MEGF10: variants seen among roughly 807,000 people sequenced by gnomAD.
The protein encoded by MEGF10 is multiple EGF like domains 10.
MEGF10 carries 86 observed loss-of-function variants against 147.5 expected under a neutral mutation model. That is an observed-to-expected ratio of 0.58 (90% CI 0.49 to 0.70). The LOEUF (loss-of-function observed/expected upper bound fraction) is 0.70. Ranked by LOEUF, MEGF10 falls within the 30% of genes least tolerant of loss-of-function variation. MEGF10 has a pLI of 0.00. For synonymous variants in MEGF10, 478 were observed against 525.5 expected, an observed-to-expected ratio of 0.91 and a Z score of 1.24; for missense variants, 1,329 against 1,487.3, an observed-to-expected ratio of 0.89 and a Z score of 1.75.
In MEGF10 at chr5:127,457,445, C is replaced by A. The variant is rs527867635; in HGVS notation, c.*127C>A. 3.1e-5 allele frequency: 33 copies of A among 1,048,906 alleles called. No homozygotes were observed. The African/African-American group carries it at 5.1e-4, about 16-fold the overall frequency. The allele number at this position is 1,048,906 out of a possible 1,614,324, so 65.0% of individuals were successfully genotyped here. A position where few individuals can be genotyped will look rare whatever the true frequency, so the allele number is the denominator to read the frequency against. On this transcript the variant is annotated 3_prime_UTR_variant, in exon 25 of 25. Transcript: ENST00000503335. ...TCGGTGGGCAATTTTTGGACATGAA[C>A]CAGAAAGCTGAAAGCTGAGGCTGAC...
At chr5:127,440,299 G>A (rs1765708756) in intron 17 of MEGF10, among the ~76,000 whole-genome samples, 1 of 152,184 alleles carries the variant, frequency 6.6e-6, no homozygotes, top group Non-Finnish European at 1.5e-5. Flanking sequence ...AAGGCTAGTA[G>A]CAACAATAGA....
chr5:127,277,830 TA>T, the MEGF10 span, among the ~76,000 whole-genome samples: 2 of 152,122 alleles, frequency 1.3e-5, no homozygotes, highest in Non-Finnish European at 2.9e-5. Context: ...GTTTTTGATA[TA>T]AGCAAATGAA....
chr5:127,359,163 T>C (rs1032235738), intron 4 of MEGF10, among the ~76,000 whole-genome samples: 6 of 152,116 alleles, frequency 3.9e-5, no homozygotes, highest in Non-Finnish European at 4.4e-5. Flanking sequence ...TAAATATTTA[T>C]TGGGAGGGTC....
the MEGF10 span, among the ~76,000 whole-genome samples, chr5:127,244,211 A>AAAC: frequency 6.6e-6 from 1 of 151,274 alleles, no homozygotes; most frequent in African/African-American, 2.4e-5. Flanking sequence ...AAAAAAAAAA[A>AAAC]AAAAAATTCT....
chr5:127,359,137 T>A (rs1224546645), intron 4 of MEGF10, among the ~76,000 whole-genome samples: 1 of 152,000 alleles, frequency 6.6e-6, no homozygotes, highest in Non-Finnish European at 1.5e-5. Context: ...TTTTTTAGTA[T>A]TAGCAGTTCC....
rs1766475845 is a variant in MEGF10, at chr5:127,459,209, T to A, written c.*1891T>A. 6.6e-6 allele frequency: 1 copy of A among 152,192 alleles called. No individual in the cohort carries two copies. The highest frequency in any genetic ancestry group is 2.1e-4 in the South Asian group (1 of 4,828). The allele number at this position is 152,192 out of a possible 1,614,324, so 9.4% of individuals were successfully genotyped here. On this transcript the variant is annotated 3_prime_UTR_variant, in exon 25 of 25. Coordinates refer to ENST00000503335, the MANE Select transcript of MEGF10 (RefSeq NM_001256545.2). The stretch of plus-strand genomic sequence containing the variant: ...CGAGTTGGAATATCCAGTTATTTCA[T>A]GTCACACATCGGCACGTATGATGGT...
At chr5:127,277,217 G>C in the MEGF10 span, among the ~76,000 whole-genome samples, 1 of 152,198 alleles carries the variant, frequency 6.6e-6, no homozygotes, top group South Asian at 2.1e-4. Context: ...ATGGCTCCTA[G>C]CTCAGTTCCT....
chr5:127,420,223 C>T lies in MEGF10; in HGVS notation c.1590+16C>T, dbSNP rs371033044. 2.8e-5 allele frequency: 45 copies of T among 1,609,918 alleles called. No homozygotes were observed. In the African/African-American group the frequency reaches 3.6e-4, roughly 13 times the overall value. On this transcript the variant is annotated intron_variant, in intron 12 of 24. Transcript: ENST00000503335. Reference sequence around the variant, plus strand: ...TCCCTGCCAGGTATGCACAAATCAGCGCCCTGACGGAAAACGCCTATGAGG... The same window carrying T: ...TCCCTGCCAGGTATGCACAAATCAGTGCCCTGACGGAAAACGCCTATGAGG...
intron 9 of MEGF10, among the ~76,000 whole-genome samples, chr5:127,414,268 G>A (rs1443674583): frequency 6.6e-6 from 1 of 151,948 alleles, no homozygotes; most frequent in African/African-American, 2.4e-5. Context: ...AGCAAACCTG[G>A]GTTCAAGTTT....
Position 127,396,764 on chromosome 5 carries a change from A to T in MEGF10, c.645A>T (p.Gly215=). The T allele has an allele frequency of 1.2e-6, 2 of 1,613,752 alleles. No individual in the cohort carries two copies. Among genetic ancestry groups the T allele is most frequent in the Non-Finnish European group, 1.7e-6 (2 of 1,179,864 alleles). Residue 215 remains glycine (G), a synonymous_variant, in exon 6 of 25, where the codon GGA becomes GGT. Transcript: ENST00000503335. ...HVTGECRCPP[G]YTGAFCEDLC... is the part of the protein sequence containing the mutation. ...CGGGGGAATGCCGCTGCCCACCAGG[A>T]TACACCGGAGCCTTGTAAGTCACAT...
intron 1 of MEGF10, among the ~76,000 whole-genome samples, chr5:127,327,128 A>G (rs17762857): frequency 0.029 from 4,386 of 152,266 alleles, 109 homozygotes; most frequent in East Asian, 0.11. Flanking sequence ...CAAAACACAG[A>G]CAGCAAGGGT....
chr5:127,410,633 C>A, intron 9 of MEGF10, 32 bp downstream of exon 9: 2 of 1,544,222 alleles, frequency 1.3e-6, no homozygotes, highest in South Asian at 2.3e-5. Flanking sequence ...AAGGACGTGT[C>A]CTGTGAAAGT....
intron 5 of MEGF10, among the ~76,000 whole-genome samples, chr5:127,392,451 T>C (rs1430514494): frequency 6.6e-6 from 1 of 152,210 alleles, no homozygotes; most frequent in Non-Finnish European, 1.5e-5. Context: ...CAACACTGGT[T>C]GGTTAAGTAC....
In MEGF10 at chr5:127,422,788, C is replaced by T. The variant is rs558900276; in HGVS notation, c.1693+16C>T. The T allele has an allele frequency of 4.4e-6, 7 of 1,603,250 alleles. No homozygotes were observed. Among genetic ancestry groups the T allele is most frequent in the East Asian group, 2.2e-5 (1 of 44,662 alleles). ...GGATGGTCAGGTGAGAGCCAAGGAC[C>T]GCTAATTGAAAGGTGAAACCCGCCA... On this transcript the variant is annotated intron_variant, in intron 13 of 24. Transcript: ENST00000503335.
chr5:127,398,688 T>C lies in MEGF10; in HGVS notation c.672T>C (p.Leu224=). The C allele has an allele frequency of 6.2e-7, 1 of 1,614,132 alleles. No homozygotes were observed. The part of the protein sequence containing the change: ...PGYTGAFCED[L]CPPGKHGPQC... Reference sequence around the variant, plus strand: ...GTTAATCCCTCAGCTGTGAGGATCTTTGTCCTCCTGGTAAACATGGTCCAC... The same window carrying C: ...GTTAATCCCTCAGCTGTGAGGATCTCTGTCCTCCTGGTAAACATGGTCCAC... Residue 224 remains leucine, a synonymous_variant, in exon 7 of 25, where the codon CTT becomes CTC. Transcript: ENST00000503335.
rs749879382 is a variant in MEGF10, at chr5:127,435,412, C to T, written c.2027C>T (p.Thr676Ile). The T allele has an allele frequency of 3.1e-6, 5 of 1,614,092 alleles. No individual in the cohort carries two copies. The highest frequency in any genetic ancestry group is 4.2e-6 in the Non-Finnish European group (5 of 1,179,988). The change falls in exon 16 of 25, where the codon ACC becomes ATC. Residue 676 changes from threonine (T) to isoleucine (I), a missense_variant. By Grantham distance (89) the Thr-to-Ile change is moderately conservative (BLOSUM62 -1). This residue lies in a region of MEGF10 where 980 missense variants were observed against 1,085.9 expected (regional missense o/e 0.90). Coordinates refer to ENST00000503335, the MANE Select transcript of MEGF10 (RefSeq NM_001256545.2). ...AACTGTGCAGGAATTTGTACCTGCA[C>T]CAACAACGGAACCTGTAACCCCATT... ...GKNCAGICTC[T>I]NNGTCNPIDR...
chr5:127,424,546 C>G, intron 13 of MEGF10: 2 of 1,400,586 alleles, frequency 1.4e-6, no homozygotes, highest in Middle Eastern at 2.6e-4. Context: ...CTCTCAGCCC[C>G]TTGGAAAATG....
chr5:127,441,232 T>C (rs536629000), intron 18 of MEGF10, among the ~76,000 whole-genome samples: 40 of 152,336 alleles, frequency 2.6e-4, no homozygotes, highest in South Asian at 8.3e-4. Flanking sequence ...GGGTCTCACA[T>C]TGGAGGACAG....
rs1415962461 is a variant in MEGF10 at position 127,459,118 on chromosome 5, T to C, written c.*1800T>C. On this transcript the variant is annotated 3_prime_UTR_variant, in exon 25 of 25. Transcript: ENST00000503335. Reference sequence around the variant, plus strand: ...ATGGCATTCTGTCTCAGTGAGTCAGTTAACAAATACGTATGTGCAACCCTT... The same window carrying C: ...ATGGCATTCTGTCTCAGTGAGTCAGCTAACAAATACGTATGTGCAACCCTT... The C allele has an allele frequency of 6.6e-6, 1 of 152,180 alleles. No homozygotes were observed. The highest frequency in any genetic ancestry group is 1.5e-5 in the Non-Finnish European group (1 of 68,036). The allele number at this position is 152,180 out of a possible 1,614,324, so 9.4% of individuals were successfully genotyped here. A position where few individuals can be genotyped will look rare whatever the true frequency, so the allele number is the denominator to read the frequency against.
Sources: allele counts gnomAD v4.1 joint callset (sites outside exome capture counted in the v4.1 genomes callset), GRCh38; gene constraint gnomAD v4.1.1; regional missense constraint gnomAD v4.1.1; transcripts MANE v1.5; gene names NCBI Gene and HGNC (gene_info 2026-07-23, HGNC 2026-07-21).